The following LGSN variants were observed in gnomAD, a reference collection of about 807,000 sequenced individuals.
The protein encoded by LGSN is lengsin, lens protein with glutamine synthetase domain.
LGSN carries 21 observed loss-of-function variants against 19.5 expected under a neutral mutation model. That is an observed-to-expected ratio of 1.07 (90% confidence interval 0.76 to 1.55). LGSN has a LOEUF of 1.55. Among genes scored for constraint, LGSN ranks in the 40% most tolerant of loss-of-function variants. The pLI, the probability that LGSN is intolerant of heterozygous loss-of-function variation, is 0.00. For missense variants in LGSN, 673 were observed against 608.5 expected (o/e 1.11, Z -1.12); for synonymous variants, 257 against 215.6 (o/e 1.19, Z -1.68).
intron 1 of LGSN, among the ~76,000 whole-genome samples, chr6:63,309,571 G>A (rs773577625): frequency 2.6e-4 from 40 of 151,858 alleles, no homozygotes; most frequent in Middle Eastern, 3.4e-3. Context: ...TTTTTTTGGC[G>A]TTTTCCTTTA....
At chr6:63,491,687 T>C in the LGSN span, among the ~76,000 whole-genome samples, 2 of 152,198 alleles carry the variant, frequency 1.3e-5, no homozygotes, top group Admixed American at 6.5e-5. Flanking sequence ...ATAAATTGCC[T>C]ATAAACTGAA....
chr6:63,330,408 T>C, the LGSN span, among the ~76,000 whole-genome samples: 2 of 152,222 alleles, frequency 1.3e-5, no homozygotes, highest in African/African-American at 4.8e-5. Flanking sequence ...GGTTTAATAA[T>C]GCCTCTAGAT....
chr6:63,510,428 TC>T, the LGSN span, among the ~76,000 whole-genome samples: 9 of 150,676 alleles, frequency 6.0e-5, no homozygotes, highest in African/African-American at 2.2e-4. Context: ...TACCACTTAA[TC>T]TTTCTATGGT....
At chr6:63,501,169 C>G in the LGSN span, among the ~76,000 whole-genome samples, 1 of 151,880 alleles carries the variant, frequency 6.6e-6, no homozygotes, top group Non-Finnish European at 1.5e-5. Context: ...ATCAGGAGTT[C>G]GAGACTACCC....
rs541680315 is a variant in LGSN, at chr6:63,277,710, C to G, written c.*2311G>C. ...AAGGACATAATCCTAGCCACATTAT[C>G]TGTAGGCCACTCAGCAGGAAGGGTG... On this transcript the variant is annotated 3_prime_UTR_variant, in exon 4 of 4. Coordinates refer to ENST00000370657, the MANE Select transcript of LGSN (RefSeq NM_016571.3). 4.4e-4 allele frequency: 67 copies of G among 152,412 alleles called. No homozygotes were observed. The highest frequency in any genetic ancestry group is 1.5e-3 in the African/African-American group (62 of 41,518). 9.4% of individuals were successfully genotyped at this position (152,412 alleles called of 1,614,324 possible). A position where few individuals can be genotyped will look rare whatever the true frequency, so the allele number is the denominator to read the frequency against.
At chr6:63,355,962 A>G in the LGSN span, among the ~76,000 whole-genome samples, 1 of 152,082 alleles carries the variant, frequency 6.6e-6, no homozygotes, top group Non-Finnish European at 1.5e-5. Flanking sequence ...TACAGGCGTG[A>G]GCCACTGGAC....
the LGSN span, among the ~76,000 whole-genome samples, chr6:63,488,876 A>G: frequency 6.6e-6 from 1 of 152,154 alleles, no homozygotes; most frequent in Non-Finnish European, 1.5e-5. Flanking sequence ...GGTAGAAGAA[A>G]TTCCAAGAGT....
chr6:63,283,146 C>A (rs1040616912), intron 3 of LGSN, among the ~76,000 whole-genome samples: 1 of 152,058 alleles, frequency 6.6e-6, no homozygotes, highest in South Asian at 2.1e-4. Flanking sequence ...TTTTTGAACA[C>A]TCTTTTCTGG....
the LGSN span, among the ~76,000 whole-genome samples, chr6:63,360,672 G>A: frequency 3.2e-4 from 49 of 152,276 alleles, no homozygotes; most frequent in Middle Eastern, 3.4e-3. Context: ...GTCATTCTCC[G>A]TCCAGCTTTG....
chr6:63,493,730 G>C, the LGSN span, among the ~76,000 whole-genome samples: 2 of 152,096 alleles, frequency 1.3e-5, no homozygotes, highest in Non-Finnish European at 2.9e-5. Context: ...CTATTTGTCT[G>C]ACACTTCTAA....
At chr6:63,357,790 C>T in the LGSN span, among the ~76,000 whole-genome samples, 20 of 152,268 alleles carry the variant, frequency 1.3e-4, no homozygotes, top group Non-Finnish European at 2.6e-4. Context: ...GTTGCCTGTT[C>T]ACTCTGATGG....
At chr6:63,432,157 GAAA>G in the LGSN span, among the ~76,000 whole-genome samples, 313 of 97,752 alleles carry the variant, frequency 3.2e-3, 7 homozygotes, top group East Asian at 9.8e-3. Flanking sequence ...AAGAAAGAAA[GAAA>G]GAAAGAAAGA....
the LGSN span, among the ~76,000 whole-genome samples, chr6:63,476,450 T>A: frequency 6.6e-6 from 1 of 152,200 alleles, no homozygotes; most frequent in East Asian, 1.9e-4. Context: ...ATTGAGCAAT[T>A]CTCTTTAGAG....
At chr6:63,471,927 G>C in the LGSN span, among the ~76,000 whole-genome samples, 1 of 152,072 alleles carries the variant, frequency 6.6e-6, no homozygotes, top group Non-Finnish European at 1.5e-5. Context: ...ACCATGTGAG[G>C]ATCCAGCAAG....
the LGSN span, among the ~76,000 whole-genome samples, chr6:63,500,326 C>G: frequency 2.3e-4 from 35 of 152,182 alleles, no homozygotes; most frequent in Non-Finnish European, 2.9e-4. Flanking sequence ...AGGCAATGGT[C>G]AAGAGCACTG....
chr6:63,365,530 C>T, the LGSN span, among the ~76,000 whole-genome samples: 1 of 152,156 alleles, frequency 6.6e-6, no homozygotes, highest in Non-Finnish European at 1.5e-5. Flanking sequence ...TGGTACCATT[C>T]CTTCTGAAAC....
chr6:63,509,242 T>G, the LGSN span, among the ~76,000 whole-genome samples: 25 of 151,898 alleles, frequency 1.6e-4, 1 homozygote, highest in Admixed American at 1.6e-3. Context: ...TTTTTGCAGT[T>G]TTAGTAGAGA....
At chr6:63,518,280 C>A in the LGSN span, among the ~76,000 whole-genome samples, 1 of 152,084 alleles carries the variant, frequency 6.6e-6, no homozygotes. Context: ...ATTTTGCTTT[C>A]CCTAATAAGC....
intron 2 of LGSN, among the ~76,000 whole-genome samples, chr6:63,288,230 A>AAAAAAAAT (rs1554170758): frequency 2.8e-4 from 39 of 138,516 alleles, no homozygotes; most frequent in African/African-American, 8.5e-4. Flanking sequence ...CCATCTCAAA[A>AAAAAAAAT]AAATAAATAA....
Sources: allele counts gnomAD v4.1 joint callset (sites outside exome capture counted in the v4.1 genomes callset), GRCh38; gene constraint gnomAD v4.1.1; transcripts MANE v1.5; gene names NCBI Gene and HGNC (gene_info 2026-07-23, HGNC 2026-07-21).